The following LIMCH1 variants were observed in gnomAD, a reference collection of about 807,000 sequenced individuals.
LIMCH1 encodes LIM and calponin homology domains 1.
A neutral mutation model predicts 176.5 loss-of-function variants in LIMCH1; 113 were observed. The observed-to-expected ratio is 0.64, with a 90% CI of 0.55 to 0.75. The LOEUF (loss-of-function observed/expected upper bound fraction) is 0.75, where lower values mean the gene tolerates loss of function less well. LIMCH1 is among the 30% of genes least tolerant of loss of function. LIMCH1 has a pLI of 0.00. For missense variants in LIMCH1, 1,674 were observed against 1,814.9 expected (o/e 0.92, Z 1.41); for synonymous variants, 619 against 645.9 (o/e 0.96, Z 0.63).
intron 1 of LIMCH1, among the ~76,000 whole-genome samples, chr4:41,575,141 G>T (rs1205649653): frequency 6.6e-6 from 1 of 152,200 alleles, no homozygotes; most frequent in African/African-American, 2.4e-5. Context: ...GAAGACTAAT[G>T]TAATTATTCT....
intron 1 of LIMCH1, among the ~76,000 whole-genome samples, chr4:41,399,682 A>T (rs1181940703): frequency 3.5e-4 from 8 of 23,080 alleles, no homozygotes; most frequent in Admixed American, 1.0e-3. Context: ...TGAGGTGGAT[A>T]CTCTTTTTTT....
intron 1 of LIMCH1, 67 bp downstream of exon 1, chr4:41,538,417 T>C: frequency 1.1e-6 from 1 of 898,104 alleles, no homozygotes; most frequent in Non-Finnish European, 1.3e-6. Context: ...AAGGAAGCTA[T>C]TTAGACTTTA....
At chr4:41,645,689 A>C (rs2094025454) in intron 15 of LIMCH1, among the ~76,000 whole-genome samples, 1 of 152,188 alleles carries the variant, frequency 6.6e-6, no homozygotes, top group Non-Finnish European at 1.5e-5. Flanking sequence ...ACTCCAAAAC[A>C]GTTTTTTTTC....
chr4:41,486,201 C>T (rs2069500098), intron 1 of LIMCH1, among the ~76,000 whole-genome samples: 1 of 152,198 alleles, frequency 6.6e-6, no homozygotes, highest in Non-Finnish European at 1.5e-5. Context: ...CTCTTCATCA[C>T]TTCCATCTCG....
At chr4:41,573,028 G>A (rs1472560405) in intron 1 of LIMCH1, among the ~76,000 whole-genome samples, 6 of 152,236 alleles carry the variant, frequency 3.9e-5, no homozygotes, top group African/African-American at 1.4e-4. Context: ...GTTAGCCAGT[G>A]TAGGACTTTC....
intron 1 of LIMCH1, among the ~76,000 whole-genome samples, chr4:41,552,670 G>A (rs1450708703): frequency 6.6e-6 from 1 of 152,130 alleles, no homozygotes; most frequent in South Asian, 2.1e-4. Context: ...TAGACACTTG[G>A]TCTGTTCTTT....
At chr4:41,444,859 A>G (rs1044139859) in intron 1 of LIMCH1, among the ~76,000 whole-genome samples, 5 of 152,322 alleles carry the variant, frequency 3.3e-5, no homozygotes, top group Admixed American at 6.5e-5. Flanking sequence ...AAATCTGACC[A>G]TCCACTGTCT....
At chr4:41,585,447 A>G (rs536074116) in intron 1 of LIMCH1, among the ~76,000 whole-genome samples, 2 of 152,184 alleles carry the variant, frequency 1.3e-5, no homozygotes, top group African/African-American at 2.4e-5. Context: ...TTATCTGTTC[A>G]TCTGCTGATG....
At chr4:41,499,523 A>T (rs1396866092) in intron 2 of LIMCH1, among the ~76,000 whole-genome samples, 1 of 152,218 alleles carries the variant, frequency 6.6e-6, no homozygotes, top group Non-Finnish European at 1.5e-5. Flanking sequence ...CTGATTTTTT[A>T]AAAATCTAGG....
chr4:41,458,543 G>A (rs1453257713), intron 1 of LIMCH1, among the ~76,000 whole-genome samples: 2 of 152,026 alleles, frequency 1.3e-5, no homozygotes, highest in East Asian at 1.9e-4. Context: ...TTGGGAGGCA[G>A]AGGCGGCCAA....
intron 2 of LIMCH1, among the ~76,000 whole-genome samples, chr4:41,512,160 C>T (rs900627254): frequency 1.3e-5 from 2 of 152,124 alleles, no homozygotes; most frequent in Admixed American, 6.5e-5. Context: ...AGATGTTCAA[C>T]GTTGTTAGTC....
At chr4:41,696,744 CA>C (rs1334623670) in intron 31 of LIMCH1, among the ~76,000 whole-genome samples, 1 of 152,148 alleles carries the variant, frequency 6.6e-6, no homozygotes, top group Admixed American at 6.6e-5. Context: ...TCAAATTCCT[CA>C]TATTACAATG....
chr4:41,630,863 C>T (rs1405261456), intron 9 of LIMCH1, among the ~76,000 whole-genome samples: 2 of 152,138 alleles, frequency 1.3e-5, no homozygotes, highest in Non-Finnish European at 2.9e-5. Flanking sequence ...CGTAAGCATA[C>T]CTTATACGTG....
chr4:41,371,805 C>G (rs2054006522), intron 1 of LIMCH1, among the ~76,000 whole-genome samples: 1 of 152,210 alleles, frequency 6.6e-6, no homozygotes, highest in African/African-American at 2.4e-5. Flanking sequence ...CAGCTCCACT[C>G]TTAGACCTCT....
intron 2 of LIMCH1, among the ~76,000 whole-genome samples, chr4:41,509,518 C>G (rs545374036): frequency 6.6e-6 from 1 of 152,208 alleles, no homozygotes; most frequent in Non-Finnish European, 1.5e-5. Context: ...CAATTGGCCA[C>G]GCTGACTTGG....
intron 3 of LIMCH1, among the ~76,000 whole-genome samples, chr4:41,525,355 A>G (rs1306210182): frequency 6.6e-6 from 1 of 152,238 alleles, no homozygotes; most frequent in Admixed American, 6.5e-5. Flanking sequence ...AGCAATGAGA[A>G]GAATGTCAAG....
At chr4:41,435,135 A>AG (rs902265117) in intron 1 of LIMCH1, among the ~76,000 whole-genome samples, 1 of 152,184 alleles carries the variant, frequency 6.6e-6, no homozygotes, top group Non-Finnish European at 1.5e-5. Context: ...TCCTCATAAG[A>AG]GGGGGACTGG....
At chr4:41,511,100 C>T (rs905713884) in intron 2 of LIMCH1, among the ~76,000 whole-genome samples, 2 of 152,152 alleles carry the variant, frequency 1.3e-5, no homozygotes, top group Admixed American at 6.5e-5. Context: ...TCCCAGAAGA[C>T]GGGGTGTGAT....
intron 1 of LIMCH1, chr4:41,389,594 G>A (rs770859172): frequency 2.6e-5 from 4 of 152,732 alleles, no homozygotes; most frequent in Non-Finnish European, 4.4e-5. Flanking sequence ...AGCTCGTTAA[G>A]TACAGAGGAA....
Sources: gnomAD v4.1 joint callset for allele counts (sites outside exome capture counted in the v4.1 genomes callset) on GRCh38, gnomAD v4.1.1 for gene constraint, MANE v1.5 for transcripts, NCBI Gene and HGNC (gene_info 2026-07-23, HGNC 2026-07-21) for gene names.